SMC5: variants seen among roughly 807,000 people sequenced by gnomAD.
SMC5 encodes structural maintenance of chromosomes protein 5.
SMC5 carries 88 observed loss-of-function variants against 148.3 expected under a neutral mutation model. The ratio of observed to expected loss-of-function variants is 0.59; its 90% CI spans 0.50 to 0.71. SMC5 has a LOEUF of 0.71. Among genes scored for constraint, SMC5 ranks in the 30% least tolerant of loss-of-function variants. The pLI is 0.00. For synonymous variants in SMC5, 421 were observed against 432.8 expected (o/e 0.97, Z 0.34); for missense variants, 1,142 against 1,298.9 (o/e 0.88, Z 1.86).
At chr9:70,318,754 A>T (rs971797685) in intron 14 of SMC5, 40 bp from the exon 15 acceptor site, 1 of 1,552,606 alleles carries the variant, frequency 6.4e-7, no homozygotes, top group African/African-American at 1.4e-5. Flanking sequence ...TCACTGGAAC[A>T]GTTTTTTAAA....
rs145014804 is a variant in SMC5, at chr9:70,307,117, G to A, written c.1578+1757G>A. 3.9e-3 allele frequency among the ~76,000 whole-genome samples: 598 copies of A among 152,266 alleles called. 3 individuals carry two copies. Among genetic ancestry groups the A allele is most frequent in the African/African-American group, 0.013 (553 of 41,538 alleles). ...AAGTTAAAAACAAATAATAGGCCAG[G>A]CATGGTGGTTCATGCCTCTAATCCC... On this transcript the variant is annotated intron_variant, in intron 11 of 24. Transcript: ENST00000361138.
intron 17 of SMC5, among the ~76,000 whole-genome samples, chr9:70,327,917 A>G (rs1186891240): frequency 1.3e-5 from 2 of 152,148 alleles, no homozygotes; most frequent in Non-Finnish European, 2.9e-5. Flanking sequence ...GACCTCAGGA[A>G]ACTTAACAAT....
chr9:70,323,982 G>T, intron 16 of SMC5, 39 bp from the exon 17 acceptor site: 1 of 1,462,876 alleles, frequency 6.8e-7, no homozygotes, highest in South Asian at 1.4e-5. Context: ...TAAAACATAG[G>T]TAACATAAAA....
At chr9:70,304,780 A>G (rs1316541577) in intron 10 of SMC5, among the ~76,000 whole-genome samples, 2 of 151,042 alleles carry the variant, frequency 1.3e-5, no homozygotes, top group Non-Finnish European at 2.9e-5. Context: ...AATAGTTACA[A>G]ATAAGCCATA....
Position 70,352,547 on chromosome 9 carries a change from G to C in SMC5, c.*216G>C. ...GTCTTCTTCAGTCTTGGTTGAACTT[G>C]AGTTCTTGGCACTCTGACCATGAGT... On this transcript the variant is annotated 3_prime_UTR_variant, in exon 25 of 25. Transcript: ENST00000361138. The C allele has an allele frequency of 2.1e-6, 1 of 466,182 alleles. No individual in the cohort carries two copies. Among genetic ancestry groups the C allele is most frequent in the Non-Finnish European group, 3.8e-6 (1 of 265,812 alleles). The allele number at this position is 466,182 out of a possible 1,614,324, so 28.9% of individuals were successfully genotyped here. A position where few individuals can be genotyped will look rare whatever the true frequency, so the allele number is the denominator to read the frequency against.
In SMC5 at chr9:70,353,624, T is replaced by A. The variant is rs2036849485; in HGVS notation, c.*1293T>A. Reference sequence around the variant, plus strand: ...AAGTAGCCATTGAAATTTATATTCTTAACTAGGTCAAAAAATAATGAGCCA... The same window carrying A: ...AAGTAGCCATTGAAATTTATATTCTAAACTAGGTCAAAAAATAATGAGCCA... On this transcript the variant is annotated 3_prime_UTR_variant, in exon 25 of 25. Coordinates refer to ENST00000361138, the MANE Select transcript of SMC5 (RefSeq NM_015110.4). 1 of 152,200 alleles carries A rather than the reference T, an allele frequency of 6.6e-6. No individual in the cohort carries two copies. The highest frequency in any genetic ancestry group is 2.4e-5 in the African/African-American group (1 of 41,468). The allele number at this position is 152,200 out of a possible 1,614,324, so 9.4% of individuals were successfully genotyped here. A position where few individuals can be genotyped will look rare whatever the true frequency, so the allele number is the denominator to read the frequency against.
In SMC5 at chr9:70,344,168, A is replaced by C; in HGVS notation, c.2422A>C (p.Asn808His). 1 of 1,547,590 alleles carries C rather than the reference A, an allele frequency of 6.5e-7. No homozygotes were observed. The highest frequency in any genetic ancestry group is 8.7e-7 in the Non-Finnish European group (1 of 1,145,268). ...GCAACATTTCATTGAATTGGATGAA[A>C]ATAGACAGAGATTATTGCAGAAATG... ...TEQHFIELDE[N>H]RQRLLQKCKE... The change falls in exon 18 of 25, where the codon AAT becomes CAT. Residue 808 changes from asparagine (N) to histidine (H), a missense_variant. Physicochemically the swap from Asn to His is moderately conservative, Grantham distance 68. This residue lies in a region of SMC5 where 743 missense variants were observed against 835.7 expected (regional missense o/e 0.89). Coordinates refer to ENST00000361138, the MANE Select transcript of SMC5 (RefSeq NM_015110.4).
rs997570798 is a variant in SMC5, at chr9:70,344,952, T to C, written c.2523+683T>C. Among the ~76,000 whole-genome samples, 7 of 152,254 alleles carry C rather than the reference T, an allele frequency of 4.6e-5. No homozygotes were observed. The South Asian group carries it at 8.3e-4, about 18-fold the overall frequency. On this transcript the variant is annotated intron_variant, in intron 18 of 24. Coordinates refer to ENST00000361138, the MANE Select transcript of SMC5 (RefSeq NM_015110.4). ...GATAATGAAATGGCTACTAAAGATA[T>C]AAACAACTGGAAAAAAATTAATGGA... is the stretch of plus-strand genomic sequence containing the variant.
chr9:70,275,743 T>C lies in SMC5; in HGVS notation c.381-1567T>C, dbSNP rs560261857. On this transcript the variant is annotated intron_variant, in intron 3 of 24. Coordinates refer to ENST00000361138, the MANE Select transcript of SMC5 (RefSeq NM_015110.4). ...TATGTTAGTTTCATATATATTTAGGTGTGGATTTATTTTTTATTTACTTTT... is the reference window on the plus strand; with the variant it reads ...TATGTTAGTTTCATATATATTTAGGCGTGGATTTATTTTTTATTTACTTTT... Among the ~76,000 whole-genome samples, 52 of 152,258 alleles carry C rather than the reference T, an allele frequency of 3.4e-4. No homozygotes were observed. In the South Asian group the frequency reaches 0.011, roughly 32 times the overall value.
chr9:70,259,276 G>A lies in SMC5; in HGVS notation c.185+13G>A, dbSNP rs1006775191. ...TGGAGAACTTCCTGTAAGTTGCCCGGAGGCCGCGCCGCGGGTGTGGAGGTG... is the reference window on the plus strand; with the variant it reads ...TGGAGAACTTCCTGTAAGTTGCCCGAAGGCCGCGCCGCGGGTGTGGAGGTG... On this transcript the variant is annotated intron_variant, in intron 1 of 24. Transcript: ENST00000361138. 10 of 1,561,676 alleles carry A rather than the reference G, an allele frequency of 6.4e-6. No homozygotes were observed. Among genetic ancestry groups the A allele is most frequent in the Non-Finnish European group, 8.7e-6 (10 of 1,152,028 alleles).
intron 11 of SMC5, among the ~76,000 whole-genome samples, chr9:70,307,606 A>G (rs1222842131): frequency 6.6e-6 from 1 of 151,958 alleles, no homozygotes. Context: ...AGGTTCAAGC[A>G]ATTCCCCTGC....
At chr9:70,261,847 A>T (rs797004878) in intron 1 of SMC5, among the ~76,000 whole-genome samples, 1 of 152,258 alleles carries the variant, frequency 6.6e-6, no homozygotes, top group Non-Finnish European at 1.5e-5. Flanking sequence ...AAAGAAGCCA[A>T]GGAAAAAGAA....
chr9:70,264,503 C>A, intron 2 of SMC5, 58 bp downstream of exon 2: 1 of 1,567,076 alleles, frequency 6.4e-7, no homozygotes, highest in Non-Finnish European at 8.7e-7. Context: ...CTTTTAGTAA[C>A]ATCAATTTCT....
Position 70,273,083 on chromosome 9 carries a change from G to A in SMC5, c.381-4227G>A, listed in dbSNP as rs181102291. Among the ~76,000 whole-genome samples the A allele has an allele frequency of 1.9e-3, 286 of 151,730 alleles. 1 individual carries two copies. The highest frequency in any genetic ancestry group is 1.3e-3 in the Non-Finnish European group (87 of 67,918). ...TATTTTATTTAGAATTTTTACATCC[G>A]TATTTTGTTTGTGAAAGATATTTGT... On this transcript the variant is annotated intron_variant, in intron 3 of 24. Transcript: ENST00000361138.
At chr9:70,337,462 T>G (rs2036391403) in intron 17 of SMC5, among the ~76,000 whole-genome samples, 1 of 41,582 alleles carries the variant, frequency 2.4e-5, no homozygotes, top group African/African-American at 4.1e-5. Flanking sequence ...TTTTTTTTTT[T>G]TTTTTTTTTT....
In SMC5 at chr9:70,280,799, T is replaced by C. The variant is rs1015277083; in HGVS notation, c.719T>C (p.Val240Ala). The part of the protein sequence containing the change: ...KEKTEYLQKM[V>A]QRNERYKQDV... ...AAAACTGAGTATCTACAGAAAATGGTTCAGAGGAATGAAAGATATAAACAA... is the reference window on the plus strand; with the variant it reads ...AAAACTGAGTATCTACAGAAAATGGCTCAGAGGAATGAAAGATATAAACAA... The change falls in exon 6 of 25, where the codon GTT (valine) becomes GCT (alanine). Residue 240 changes from valine to alanine, a missense_variant. By Grantham distance (64) the Val-to-Ala change is moderately conservative (BLOSUM62 0). Around this residue, in one of 5 missense-constraint regions of SMC5, gnomAD observed 297 missense variants for 302.6 expected, o/e 0.98. Coordinates refer to ENST00000361138, the MANE Select transcript of SMC5 (RefSeq NM_015110.4). 4 of 1,613,456 alleles carry C rather than the reference T, an allele frequency of 2.5e-6. No homozygotes were observed. In the African/African-American group the frequency reaches 5.3e-5, roughly 22 times the overall value.
intron 4 of SMC5, 99 bp from the exon 5 acceptor site, chr9:70,278,392 A>G (rs1587630986): frequency 8.6e-7 from 1 of 1,161,992 alleles, no homozygotes. Flanking sequence ...GTTTTTTTTA[A>G]TGAGTTTCAC....
chr9:70,272,093 A>T (rs755645626), intron 3 of SMC5, among the ~76,000 whole-genome samples: 28 of 152,260 alleles, frequency 1.8e-4, no homozygotes, highest in Admixed American at 5.9e-4. Flanking sequence ...CTAATAGAAC[A>T]ACGCTATGAG....
intron 17 of SMC5, among the ~76,000 whole-genome samples, chr9:70,341,362 A>G (rs1305262415): frequency 6.6e-6 from 1 of 152,226 alleles, no homozygotes; most frequent in African/African-American, 2.4e-5. Context: ...AGCAAAGTCC[A>G]GAGGAACAAG....
Sources: gnomAD v4.1 joint callset for allele counts (sites outside exome capture counted in the v4.1 genomes callset) on GRCh38, gnomAD v4.1.1 for gene constraint, gnomAD v4.1.1 regional missense constraint, MANE v1.5 for transcripts, NCBI Gene and HGNC (gene_info 2026-07-23, HGNC 2026-07-21) for gene names.